The following NPAS3 variants were observed in gnomAD, a reference collection of about 807,000 sequenced individuals.
NPAS3 encodes neuronal PAS domain-containing protein 3.
A neutral mutation model predicts 73.1 loss-of-function variants in NPAS3; 14 were observed. The observed-to-expected ratio is 0.19, with a 90% CI of 0.13 to 0.30. The LOEUF is 0.30. Among genes scored for constraint, NPAS3 ranks in the 10% least tolerant of loss-of-function variants. NPAS3 has a pLI of 1.00. For missense variants in NPAS3, 1,096 were observed against 1,250.0 expected, an observed-to-expected ratio of 0.88 and a Z score of 1.86; for synonymous variants, 620 against 541.5, an observed-to-expected ratio of 1.14 and a Z score of -2.01.
intron 10 of NPAS3, among the ~76,000 whole-genome samples, chr14:33,795,779 C>T (rs2063495065): frequency 6.6e-6 from 1 of 152,138 alleles, no homozygotes; most frequent in South Asian, 2.1e-4. Context: ...CTCTGAATAC[C>T]ATTGATCTAG....
chr14:33,592,520 C>G (rs2057105428), intron 5 of NPAS3, among the ~76,000 whole-genome samples: 1 of 152,088 alleles, frequency 6.6e-6, no homozygotes, highest in Admixed American at 6.6e-5. Context: ...TGGGATTTGA[C>G]CAGACTATGA....
chr14:33,526,904 T>C (rs2053827169), intron 4 of NPAS3, among the ~76,000 whole-genome samples: 1 of 152,102 alleles, frequency 6.6e-6, no homozygotes, highest in African/African-American at 2.4e-5. Flanking sequence ...TATTCATTCA[T>C]TTCTGTTATG....
intron 5 of NPAS3, among the ~76,000 whole-genome samples, chr14:33,673,003 A>G (rs1051720017): frequency 6.6e-6 from 1 of 152,248 alleles, no homozygotes; most frequent in African/African-American, 2.4e-5. Context: ...AGGTGCATAT[A>G]TAAGTTGACC....
intron 2 of NPAS3, among the ~76,000 whole-genome samples, chr14:33,184,909 A>G (rs1217269402): frequency 1.3e-5 from 2 of 152,200 alleles, no homozygotes; most frequent in African/African-American, 4.8e-5. Flanking sequence ...GGCAGCCTGA[A>G]ACCTAGAAGA....
intron 4 of NPAS3, among the ~76,000 whole-genome samples, chr14:33,536,534 TG>T (rs2054268676): frequency 1.3e-5 from 2 of 152,164 alleles, no homozygotes; most frequent in African/African-American, 4.8e-5. Context: ...TTCCTCAACT[TG>T]ATGCATGGGC....
At chr14:33,774,108 A>G (rs1275318614) in intron 7 of NPAS3, among the ~76,000 whole-genome samples, 4 of 152,188 alleles carry the variant, frequency 2.6e-5, no homozygotes, top group African/African-American at 9.7e-5. Flanking sequence ...AAAAATAGCA[A>G]CAGCACCATA....
chr14:33,410,445 T>C (rs183696123), intron 4 of NPAS3, among the ~76,000 whole-genome samples: 5 of 152,322 alleles, frequency 3.3e-5, no homozygotes, highest in Admixed American at 3.3e-4. Flanking sequence ...TAAGTGCTAG[T>C]TGATTCAATT....
At chr14:33,790,241 T>TG (rs779652738) in intron 9 of NPAS3, among the ~76,000 whole-genome samples, 1 of 152,226 alleles carries the variant, frequency 6.6e-6, no homozygotes, top group Non-Finnish European at 1.5e-5. Context: ...GTAACTCACG[T>TG]GGTGCTTATT....
At chr14:33,367,748 A>G (rs1185787367) in intron 4 of NPAS3, among the ~76,000 whole-genome samples, 3 of 152,046 alleles carry the variant, frequency 2.0e-5, no homozygotes, top group Admixed American at 2.0e-4. Flanking sequence ...CCCAAATTAG[A>G]AAATTTCTCA....
At chr14:32,957,881 C>T (rs539450086) in intron 1 of NPAS3, among the ~76,000 whole-genome samples, 1 of 152,200 alleles carries the variant, frequency 6.6e-6, no homozygotes, top group South Asian at 2.1e-4. Flanking sequence ...CAGAAGTTCT[C>T]ATTATCTCTG....
intron 2 of NPAS3, among the ~76,000 whole-genome samples, chr14:33,087,676 T>C (rs771110418): frequency 6.6e-6 from 1 of 152,308 alleles, no homozygotes; most frequent in Non-Finnish European, 1.5e-5. Flanking sequence ...TAATTTTATT[T>C]ATACAAGTAC....
At chr14:33,277,494 T>C (rs2140043834) in intron 3 of NPAS3, among the ~76,000 whole-genome samples, 1 of 152,234 alleles carries the variant, frequency 6.6e-6, no homozygotes, top group East Asian at 1.9e-4. Flanking sequence ...CAAATACATA[T>C]GTGATATTAG....
chr14:33,263,790 A>G (rs1229651953), intron 3 of NPAS3, among the ~76,000 whole-genome samples: 1 of 151,986 alleles, frequency 6.6e-6, no homozygotes, highest in Admixed American at 6.6e-5. Flanking sequence ...ATCCTCTTTT[A>G]TTTTGTTGAG....
At position 33,067,951 on chromosome 14, in the gene NPAS3, T is replaced by C. The variant is rs79235529; in HGVS notation, c.140+11957T>C. 0.018 allele frequency among the ~76,000 whole-genome samples: 2,806 copies of C among 152,320 alleles called. 307 individuals are homozygous for C. In the East Asian group the frequency reaches 0.33, roughly 18 times the overall value. On this transcript the variant is annotated intron_variant, in intron 2 of 11. Transcript: ENST00000356141. ...TATTCTTTTAGTAGCATATTTTCTT[T>C]TAAAACTTCCCTTCTTTTCACATCC...
chr14:33,181,364 G>C (rs1731461925), intron 2 of NPAS3, among the ~76,000 whole-genome samples: 2 of 152,148 alleles, frequency 1.3e-5, no homozygotes, highest in Admixed American at 1.3e-4. Flanking sequence ...AGAAGAAAGT[G>C]ATGTCAGATA....
At chr14:33,491,290 T>A (rs1466874324) in intron 4 of NPAS3, among the ~76,000 whole-genome samples, 1 of 151,802 alleles carries the variant, frequency 6.6e-6, no homozygotes, top group Non-Finnish European at 1.5e-5. Flanking sequence ...AGAAGAGAAA[T>A]AACTGACTCA....
rs185838011 is a variant in NPAS3, at chr14:33,377,329, T to C, written c.468+10061T>C. Among the ~76,000 whole-genome samples, 4 of 152,320 alleles carry C rather than the reference T, an allele frequency of 2.6e-5. No homozygotes were observed. In the East Asian group the frequency reaches 5.8e-4, roughly 22 times the overall value. ...GTGTGACATGCCATTACTCTCCTTA[T>C]CTTATTACGTGACCTCCTCAACTTG... On this transcript the variant is annotated intron_variant, in intron 4 of 11. Transcript: ENST00000356141.
At chr14:33,137,421 G>GATT (rs1378768800) in intron 2 of NPAS3, among the ~76,000 whole-genome samples, 2 of 152,088 alleles carry the variant, frequency 1.3e-5, no homozygotes, top group African/African-American at 4.8e-5. Context: ...CATCAACTAA[G>GATT]ATTATTATTA....
chr14:33,265,153 C>T (rs1186209414), intron 3 of NPAS3, among the ~76,000 whole-genome samples: 1 of 152,164 alleles, frequency 6.6e-6, no homozygotes, highest in Non-Finnish European at 1.5e-5. Context: ...TGAGGAGATA[C>T]TCATCCAAGC....
Sources: gnomAD v4.1 joint callset for allele counts (sites outside exome capture counted in the v4.1 genomes callset) on GRCh38, gnomAD v4.1.1 for gene constraint, MANE v1.5 for transcripts, NCBI Gene and HGNC (gene_info 2026-07-23, HGNC 2026-07-21) for gene names.